IRAK2: variants seen among roughly 807,000 people sequenced by gnomAD.
IRAK2 encodes the protein interleukin-1 receptor-associated kinase-like 2.
IRAK2 carries 57 observed loss-of-function variants against 72.0 expected under a neutral mutation model. That is an observed-to-expected ratio of 0.79 (90% CI 0.64 to 0.99). IRAK2 has a LOEUF of 0.99. Among genes scored for constraint, IRAK2 ranks in the 50% least tolerant of loss-of-function variants. The probability of loss-of-function intolerance (pLI) is 0.00; values close to 1 mark genes in which losing one functional copy is unlikely to be tolerated. For missense variants in IRAK2, 790 were observed against 794.4 expected (o/e 0.99, Z 0.07); for synonymous variants, 293 against 312.7 (o/e 0.94, Z 0.67).
chr3:10,220,590 T>C (rs1697672124), intron 8 of IRAK2, among the ~76,000 whole-genome samples: 1 of 151,920 alleles, frequency 6.6e-6, no homozygotes, highest in African/African-American at 2.4e-5. Flanking sequence ...TTACAGGTGC[T>C]CGCCACCACA....
chr3:10,216,914 G>A lies in IRAK2; in HGVS notation c.789-20G>A. ...TCTTTCCGTCTGACTCCTCACACCT[G>A]CACTGACGCCCGATTCCAGATGCTG... On this transcript the variant is annotated intron_variant, in intron 6 of 12. Transcript: ENST00000256458. 6.3e-7 allele frequency: 1 copy of A among 1,576,696 alleles called. No homozygotes were observed.
At chr3:10,194,045 G>A (rs1289084084) in intron 2 of IRAK2, among the ~76,000 whole-genome samples, 1 of 152,280 alleles carries the variant, frequency 6.6e-6, no homozygotes, top group African/African-American at 2.4e-5. Flanking sequence ...AACTGAAGGA[G>A]GGTGGCTGTT....
intron 4 of IRAK2, among the ~76,000 whole-genome samples, chr3:10,211,889 A>C (rs1697527397): frequency 6.6e-6 from 1 of 152,020 alleles, no homozygotes; most frequent in African/African-American, 2.4e-5. Context: ...CATCCTGGCT[A>C]ACACGGTGAG....
At chr3:10,239,221 G>T (rs1698014686) in intron 12 of IRAK2, among the ~76,000 whole-genome samples, 182 bp downstream of exon 12, 1 of 152,162 alleles carries the variant, frequency 6.6e-6, no homozygotes, top group African/African-American at 2.4e-5. Flanking sequence ...TCCCTGCCCT[G>T]GACTGTGTCC....
intron 1 of IRAK2, among the ~76,000 whole-genome samples, chr3:10,171,378 G>C (rs1696792421): frequency 6.6e-6 from 1 of 152,088 alleles, no homozygotes; most frequent in Admixed American, 6.6e-5. Context: ...GAGAGGCTTA[G>C]GAGACTCAGC....
chr3:10,165,328 T>G (rs1229466403), intron 1 of IRAK2, among the ~76,000 whole-genome samples: 1 of 152,074 alleles, frequency 6.6e-6, no homozygotes. Context: ...TCAGCGCTGC[T>G]GGCTCGGTGA....
intron 3 of IRAK2, among the ~76,000 whole-genome samples, chr3:10,201,970 G>T (rs1284706172): frequency 6.6e-6 from 1 of 152,198 alleles, no homozygotes. Context: ...TTTGTAAAAT[G>T]AGGAGAATAA....
At chr3:10,192,612 A>G (rs1455727998) in intron 2 of IRAK2, among the ~76,000 whole-genome samples, 1 of 152,248 alleles carries the variant, frequency 6.6e-6, no homozygotes, top group Admixed American at 6.5e-5. Context: ...GGCCACAGAT[A>G]TGGGCAAGAA....
intron 11 of IRAK2, among the ~76,000 whole-genome samples, chr3:10,235,739 G>A (rs750990908): frequency 6.4e-4 from 97 of 152,264 alleles, no homozygotes; most frequent in Admixed American, 2.4e-3. Context: ...TGTAGCCCAA[G>A]CCTCCCATTT....
chr3:10,169,791 GAAA>G (rs1345348789), intron 1 of IRAK2, among the ~76,000 whole-genome samples: 2 of 152,146 alleles, frequency 1.3e-5, no homozygotes, highest in Non-Finnish European at 2.9e-5. Flanking sequence ...CTCAGCTTAT[GAAA>G]ATGATGGGAT....
chr3:10,240,558 C>CCCCCCCCCTT (rs1274154130), intron 12 of IRAK2, among the ~76,000 whole-genome samples: 4 of 18,066 alleles, frequency 2.2e-4, no homozygotes, highest in Admixed American at 1.1e-3. Flanking sequence ...CCCCCCCCGC[C>CCCCCCCCCTT]TTTTTTTTTT....
At chr3:10,213,641 T>C in intron 6 of IRAK2, 93 bp downstream of exon 6, 2 of 914,782 alleles carry the variant, frequency 2.2e-6, no homozygotes, top group Middle Eastern at 2.4e-4. Flanking sequence ...CTATTATATA[T>C]AAACTCATTT....
At chr3:10,221,040 C>G (rs1465647544) in intron 8 of IRAK2, among the ~76,000 whole-genome samples, 1 of 151,894 alleles carries the variant, frequency 6.6e-6, no homozygotes, top group Non-Finnish European at 1.5e-5. Flanking sequence ...ATTTACTTAA[C>G]CACTCCTGGC....
chr3:10,208,400 C>A (rs1228334005), intron 3 of IRAK2, among the ~76,000 whole-genome samples: 1 of 151,410 alleles, frequency 6.6e-6, no homozygotes, highest in African/African-American at 2.4e-5. Context: ...CTCCTGGGCA[C>A]AAGTGATCCT....
At chr3:10,167,484 G>A (rs189041893) in intron 1 of IRAK2, among the ~76,000 whole-genome samples, 576 of 151,148 alleles carry the variant, frequency 3.8e-3, no homozygotes, top group African/African-American at 0.013. Flanking sequence ...GCGCAATCTC[G>A]GCTCACTGCA....
intron 2 of IRAK2, among the ~76,000 whole-genome samples, chr3:10,179,082 C>T (rs959235783): frequency 8.5e-5 from 13 of 152,100 alleles, no homozygotes; most frequent in African/African-American, 2.9e-4. Context: ...CATCACCCTG[C>T]CTGCAACCCC....
In IRAK2 at chr3:10,238,739, C is replaced by T. The variant is rs374581873; in HGVS notation, c.1474-9C>T. The T allele has an allele frequency of 8.4e-5, 136 of 1,611,380 alleles. No homozygotes were observed. Among genetic ancestry groups the T allele is most frequent in the Non-Finnish European group, 1.1e-4 (135 of 1,178,542 alleles). On this transcript the variant is annotated splice_polypyrimidine_tract_variant and intron_variant, in intron 11 of 12. Coordinates refer to ENST00000256458, the MANE Select transcript of IRAK2 (RefSeq NM_001570.4). ...CCTGATGAGCTCCCTTCTCTCTCTT[C>T]TCCCAAAGGTGTGTGGCTCTGTGGC...
intron 2 of IRAK2, among the ~76,000 whole-genome samples, chr3:10,188,534 A>T (rs1224988254): frequency 6.7e-6 from 1 of 149,060 alleles, no homozygotes; most frequent in Non-Finnish European, 1.5e-5. Context: ...TTATGTATTT[A>T]TTTATTTTTG....
rs1362064196 is a variant in IRAK2 at position 10,242,838 on chromosome 3, T to A, written c.*610T>A. On this transcript the variant is annotated 3_prime_UTR_variant, in exon 13 of 13. Coordinates refer to ENST00000256458, the MANE Select transcript of IRAK2 (RefSeq NM_001570.4). The stretch of plus-strand genomic sequence containing the variant: ...ACTTTCAACTTGTGTCTCAGTGCAG[T>A]TCTTGACTCACCTCTCTGGGCCTCA... The A allele has an allele frequency of 1.3e-5, 2 of 152,206 alleles. No individual in the cohort carries two copies. Among genetic ancestry groups the A allele is most frequent in the Non-Finnish European group, 1.5e-5 (1 of 68,074 alleles). 9.4% of individuals were successfully genotyped at this position (152,206 alleles called of 1,614,324 possible). A position where few individuals can be genotyped will look rare whatever the true frequency, so the allele number is the denominator to read the frequency against.
Sources: gnomAD v4.1 joint callset for allele counts (sites outside exome capture counted in the v4.1 genomes callset) on GRCh38, gnomAD v4.1.1 for gene constraint, MANE v1.5 for transcripts, NCBI Gene and HGNC (gene_info 2026-07-23, HGNC 2026-07-21) for gene names.